Variants in KAT6A observed in about 807,000 individuals in gnomAD.
KAT6A encodes the protein histone acetyltransferase KAT6A.
KAT6A carries 9 observed loss-of-function variants against 198.4 expected under a neutral mutation model. The ratio of observed to expected loss-of-function variants is 0.05; its 90% CI spans 0.03 to 0.08. The LOEUF (loss-of-function observed/expected upper bound fraction) is 0.08. Ranked by LOEUF, KAT6A falls within the 10% of genes least tolerant of loss-of-function variation. The pLI is 1.00. For missense variants in KAT6A, 2,077 were observed against 2,509.9 expected (o/e 0.83, Z 3.69); for synonymous variants, 890 against 883.0 (o/e 1.01, Z -0.14).
intron 2 of KAT6A, chr8:42,043,419 T>C (rs1827761717): frequency 6.6e-6 from 1 of 152,134 alleles, no homozygotes; most frequent in Non-Finnish European, 1.5e-5. Flanking sequence ...TATCAGAAAA[T>C]GTTAGTGACA....
chr8:41,975,401 A>G (rs1358909778), intron 7 of KAT6A, among the ~76,000 whole-genome samples: 1 of 152,192 alleles, frequency 6.6e-6, no homozygotes, highest in Non-Finnish European at 1.5e-5. Flanking sequence ...GCAAAAAACT[A>G]GTGAAGAGAG....
rs1485115699 is a variant in KAT6A at position 41,931,792 on chromosome 8, A to G, written c.*413T>C. 3 of 212,712 alleles carry G rather than the reference A, an allele frequency of 1.4e-5. No homozygotes were observed. The highest frequency in any genetic ancestry group is 2.3e-5 in the African/African-American group (1 of 44,216). 13.2% of individuals were successfully genotyped at this position (212,712 alleles called of 1,614,324 possible). On this transcript the variant is annotated 3_prime_UTR_variant, in exon 17 of 17. Transcript: ENST00000265713. ...GGTCTGGTTAACCCTTGAGATGTAT[A>G]TAACATTTAAAAATGACAACATTGG...
intron 15 of KAT6A, 130 bp downstream of exon 15, chr8:41,940,712 G>C (rs1394600972): frequency 9.0e-7 from 1 of 1,106,290 alleles, no homozygotes; most frequent in Non-Finnish European, 1.3e-6. Context: ...AATATACAGA[G>C]GCTTAAGGTT....
chr8:42,031,169 A>G (rs549937863), intron 2 of KAT6A, among the ~76,000 whole-genome samples: 2 of 152,192 alleles, frequency 1.3e-5, no homozygotes, highest in Non-Finnish European at 2.9e-5. Flanking sequence ...GCTAGGGAAT[A>G]AGACTTAGAA....
chr8:41,932,993 T>C lies in KAT6A; in HGVS notation c.5227A>G (p.Ser1743Gly), dbSNP rs767957379. The C allele has an allele frequency of 6.2e-7, 1 of 1,614,168 alleles. No individual in the cohort carries two copies. The highest frequency in any genetic ancestry group is 2.2e-5 in the East Asian group (1 of 44,888). The change falls in exon 17 of 17, where the codon AGC (serine) becomes GGC (glycine). Residue 1743 changes from serine (S) to glycine (G), a missense_variant. Coordinates refer to ENST00000265713, the MANE Select transcript of KAT6A (RefSeq NM_006766.5). ...AAGGTGGCTGATGGTTGAGAGTAGC[T>C]GCCGGCACCAAAATCCCCTGGAATC... ...ERIPGDFGAG[S>G]YSQPSATFSL...
At chr8:42,036,794 G>T (rs1415258700) in intron 2 of KAT6A, among the ~76,000 whole-genome samples, 1 of 152,178 alleles carries the variant, frequency 6.6e-6, no homozygotes, top group Non-Finnish European at 1.5e-5. Context: ...ATCTTCTTGA[G>T]ATAAAGCAGT....
At chr8:41,993,469 C>T (rs2150897530) in intron 2 of KAT6A, among the ~76,000 whole-genome samples, 1 of 152,290 alleles carries the variant, frequency 6.6e-6, no homozygotes, top group South Asian at 2.1e-4. Flanking sequence ...TTTTCAGTCA[C>T]ACATGGCATG....
intron 7 of KAT6A, among the ~76,000 whole-genome samples, chr8:41,975,447 T>C (rs1564033408): frequency 6.6e-6 from 1 of 152,174 alleles, no homozygotes; most frequent in Non-Finnish European, 1.5e-5. Flanking sequence ...TCCTTTGCAT[T>C]TGAAGATGAC....
At chr8:41,938,831 A>T (rs1231907225) in intron 15 of KAT6A, among the ~76,000 whole-genome samples, 2 of 151,800 alleles carry the variant, frequency 1.3e-5, no homozygotes, top group Non-Finnish European at 2.9e-5. Context: ...CCTGTAGTCC[A>T]AGTTATTCAA....
chr8:42,013,230 G>A (rs907015666), intron 2 of KAT6A, among the ~76,000 whole-genome samples: 1 of 150,330 alleles, frequency 6.7e-6, no homozygotes, highest in African/African-American at 2.5e-5. Flanking sequence ...GCAATACAGA[G>A]GGAGGTGGCT....
intron 2 of KAT6A, among the ~76,000 whole-genome samples, chr8:42,044,092 T>TA: frequency 6.7e-6 from 1 of 148,832 alleles, no homozygotes; most frequent in South Asian, 2.1e-4. Flanking sequence ...ATAACATGGG[T>TA]AAAAACTTTT....
At chr8:41,947,311 CTAGAAA>C (rs1258009663) in intron 11 of KAT6A, among the ~76,000 whole-genome samples, 3 of 152,126 alleles carry the variant, frequency 2.0e-5, no homozygotes, top group African/African-American at 7.2e-5. Flanking sequence ...TGTTCTCTGA[CTAGAAA>C]TAAACTTTCT....
chr8:41,985,927 GTTTT>G (rs901306608), intron 3 of KAT6A, among the ~76,000 whole-genome samples: 5 of 149,592 alleles, frequency 3.3e-5, no homozygotes, highest in South Asian at 2.1e-4. Flanking sequence ...GGTCTTGTAA[GTTTT>G]TTTTTTGTTT....
intron 8 of KAT6A, among the ~76,000 whole-genome samples, chr8:41,965,565 A>G (rs1300603024): frequency 1.3e-5 from 2 of 152,182 alleles, no homozygotes; most frequent in Non-Finnish European, 2.9e-5. Context: ...TTTTTATTAC[A>G]GCGTCAGAGA....
chr8:42,014,707 T>G (rs1200903342), intron 2 of KAT6A, among the ~76,000 whole-genome samples: 1 of 152,118 alleles, frequency 6.6e-6, no homozygotes, highest in Non-Finnish European at 1.5e-5. Flanking sequence ...GACAGCATAT[T>G]AGCACTTTTT....
intron 8 of KAT6A, among the ~76,000 whole-genome samples, chr8:41,964,337 T>C (rs1383355589): frequency 6.6e-6 from 1 of 152,194 alleles, no homozygotes; most frequent in Admixed American, 6.5e-5. Flanking sequence ...AGAGGGTATC[T>C]ATTACTAACC....
chr8:41,993,382 G>A (rs924242935), intron 2 of KAT6A, among the ~76,000 whole-genome samples: 6 of 152,150 alleles, frequency 3.9e-5, no homozygotes, highest in African/African-American at 1.2e-4. Context: ...TTTACAGTGT[G>A]AAAATAAAGC....
At chr8:41,993,836 A>G (rs770157972) in intron 2 of KAT6A, among the ~76,000 whole-genome samples, 3 of 152,252 alleles carry the variant, frequency 2.0e-5, no homozygotes, top group Non-Finnish European at 4.4e-5. Flanking sequence ...TTTAAAAATT[A>G]TAACTCCAGG....
At chr8:41,965,588 T>A (rs1415873091) in intron 8 of KAT6A, among the ~76,000 whole-genome samples, 1 of 152,194 alleles carries the variant, frequency 6.6e-6, no homozygotes, top group Non-Finnish European at 1.5e-5. Flanking sequence ...CTGGAAGTCA[T>A]CTTTGATCAT....
Sources: gnomAD v4.1 joint callset for allele counts (sites outside exome capture counted in the v4.1 genomes callset) on GRCh38, gnomAD v4.1.1 for gene constraint, MANE v1.5 for transcripts, NCBI Gene and HGNC (gene_info 2026-07-23, HGNC 2026-07-21) for gene names.